LTBP2: variants seen among roughly 807,000 people sequenced by gnomAD.
The protein encoded by LTBP2 is latent-transforming growth factor beta-binding protein 2.
LTBP2 carries 103 observed loss-of-function variants against 210.6 expected under a neutral mutation model. The observed-to-expected ratio is 0.49, with a 90% CI of 0.42 to 0.58. The LOEUF (loss-of-function observed/expected upper bound fraction) is 0.58, where lower values mean the gene tolerates loss of function less well. Ranked by LOEUF, LTBP2 falls within the 20% of genes least tolerant of loss-of-function variation. The pLI is 0.00. For synonymous variants in LTBP2, 1,007 were observed against 1,015.0 expected (o/e 0.99, Z 0.15); for missense variants, 2,313 against 2,494.5 (o/e 0.93, Z 1.55).
intron 2 of LTBP2, among the ~76,000 whole-genome samples, chr14:74,598,125 AG>A (rs1435175449): frequency 6.6e-6 from 1 of 152,226 alleles, no homozygotes; most frequent in Non-Finnish European, 1.5e-5. Flanking sequence ...TGATGGAGCA[AG>A]GGTTTGAACT....
intron 8 of LTBP2, among the ~76,000 whole-genome samples, chr14:74,540,901 T>A (rs1452163266): frequency 5.0e-5 from 5 of 100,192 alleles, no homozygotes; most frequent in African/African-American, 8.1e-5. Context: ...ATATTAAAAA[T>A]ATATATATTT....
chr14:74,581,727 A>G (rs1252140180), intron 3 of LTBP2, among the ~76,000 whole-genome samples: 1 of 152,182 alleles, frequency 6.6e-6, no homozygotes. Flanking sequence ...CCCGTTTCAG[A>G]TGTGTGACCT....
At chr14:74,568,668 G>GTAT (rs2087934887) in intron 3 of LTBP2, among the ~76,000 whole-genome samples, 1 of 152,062 alleles carries the variant, frequency 6.6e-6, no homozygotes, top group Non-Finnish European at 1.5e-5. Flanking sequence ...TAGGAAGTAG[G>GTAT]TATTATTATT....
In LTBP2 at chr14:74,528,951, A is replaced by G. The variant is rs373571347; in HGVS notation, c.2152+7T>C. The G allele has an allele frequency of 3.7e-6, 6 of 1,610,752 alleles. No homozygotes were observed. Among genetic ancestry groups the G allele is most frequent in the Non-Finnish European group, 5.1e-6 (6 of 1,179,192 alleles). Reference sequence around the variant, plus strand: ...CAGTGAAAGCTGGGATGGGAACAGGAGGTTACCTGTGCCAGGCAGAGGGCA... The same window carrying G: ...CAGTGAAAGCTGGGATGGGAACAGGGGGTTACCTGTGCCAGGCAGAGGGCA... On this transcript the variant is annotated splice_region_variant and intron_variant, in intron 11 of 35. Transcript: ENST00000261978.
chr14:74,599,642 A>G (rs1204323728), intron 2 of LTBP2, among the ~76,000 whole-genome samples: 1 of 152,240 alleles, frequency 6.6e-6, no homozygotes, highest in Non-Finnish European at 1.5e-5. Flanking sequence ...GGAGGAGGAG[A>G]TGGCGGCCCA....
At chr14:74,519,444 T>C (rs747184845) in intron 17 of LTBP2, among the ~76,000 whole-genome samples, 8 of 151,922 alleles carry the variant, frequency 5.3e-5, no homozygotes, top group South Asian at 2.1e-4. Flanking sequence ...CTTACATTTA[T>C]TGGTAAACAT....
In LTBP2 at chr14:74,550,934, G is replaced by T. The variant is rs574286601; in HGVS notation, c.1686+130C>A. On this transcript the variant is annotated intron_variant, in intron 7 of 35. Coordinates refer to ENST00000261978, the MANE Select transcript of LTBP2 (RefSeq NM_000428.3). ...TTTCATGCCTTGGGTTTTCCCATCT[G>T]GGAAATGGGAGAGTCTGCAGACACT... 3.3e-6 allele frequency: 4 copies of T among 1,213,890 alleles called. No homozygotes were observed. The African/African-American group carries it at 4.5e-5, about 14-fold the overall frequency. The allele number at this position is 1,213,890 out of a possible 1,614,324, so 75.2% of individuals were successfully genotyped here.
rs115445516 is a variant in LTBP2 at position 74,600,863 on chromosome 14, G to A, written c.565+2772C>T. Among the ~76,000 whole-genome samples the A allele has an allele frequency of 6.0e-3, 912 of 152,288 alleles. 9 individuals carry two copies. The highest frequency in any genetic ancestry group is 0.021 in the African/African-American group (869 of 41,548). On this transcript the variant is annotated intron_variant, in intron 2 of 35. Transcript: ENST00000261978. ...TGGTCCCTGGGCCAGCAGCGTCAGCGTTCCTGGGAGCTGGTTAGAACATAG... is the reference window on the plus strand; with the variant it reads ...TGGTCCCTGGGCCAGCAGCGTCAGCATTCCTGGGAGCTGGTTAGAACATAG...
intron 13 of LTBP2, 67 bp downstream of exon 13, chr14:74,527,280 C>G: frequency 6.3e-7 from 1 of 1,575,222 alleles, no homozygotes; most frequent in East Asian, 2.3e-5. Flanking sequence ...GCCCTGGGGC[C>G]TGAGCTGCTA....
At position 74,586,198 on chromosome 14, in the gene LTBP2, G is replaced by A; in HGVS notation, c.566-80C>T. ...GCTGCCCACACCTTCCTGTCAGAAG[G>A]GCCCTCCTGAGTGCTGCAACCCTGT... On this transcript the variant is annotated intron_variant, in intron 2 of 35. Transcript: ENST00000261978. The surrounding 1 kb of genome is among the most constrained non-coding windows in gnomAD (Gnocchi z 4.6). The A allele has an allele frequency of 6.1e-6, 9 of 1,484,746 alleles. No individual in the cohort carries two copies. The highest frequency in any genetic ancestry group is 8.2e-6 in the Non-Finnish European group (9 of 1,099,320). 92.0% of individuals were successfully genotyped at this position (1,484,746 alleles called of 1,614,324 possible). A position where few individuals can be genotyped will look rare whatever the true frequency, so the allele number is the denominator to read the frequency against.
intron 18 of LTBP2, 80 bp downstream of exon 18, chr14:74,516,742 G>A (rs777851758): frequency 7.4e-5 from 113 of 1,521,418 alleles, no homozygotes; most frequent in Non-Finnish European, 9.2e-5. Flanking sequence ...GCCAGAAGGC[G>A]TGTTGGTGGT....
chr14:74,574,925 C>T (rs2088036311), intron 3 of LTBP2, among the ~76,000 whole-genome samples: 2 of 152,188 alleles, frequency 1.3e-5, no homozygotes, highest in Non-Finnish European at 2.9e-5. Flanking sequence ...GCCCAGTGCC[C>T]CATGTGGGGA....
At chr14:74,515,018 G>A (rs2087117629) in intron 18 of LTBP2, among the ~76,000 whole-genome samples, 1 of 152,158 alleles carries the variant, frequency 6.6e-6, no homozygotes. Flanking sequence ...GTATGGGGGA[G>A]CCTGGACATG....
intron 17 of LTBP2, among the ~76,000 whole-genome samples, chr14:74,519,976 C>T (rs528184635): frequency 2.6e-5 from 4 of 152,296 alleles, no homozygotes; most frequent in African/African-American, 4.8e-5. Flanking sequence ...GTCAGCTCCC[C>T]GGAAGTCAGC....
chr14:74,593,346 G>A (rs979801566), intron 2 of LTBP2, among the ~76,000 whole-genome samples: 5 of 152,326 alleles, frequency 3.3e-5, no homozygotes, highest in Middle Eastern at 3.4e-3. Context: ...ACACGGGGTC[G>A]GGGGCAGGAG....
At chr14:74,603,462 T>C (rs2088477714) in intron 2 of LTBP2, among the ~76,000 whole-genome samples, 173 bp downstream of exon 2, 1 of 152,212 alleles carries the variant, frequency 6.6e-6, no homozygotes, top group Non-Finnish European at 1.5e-5. Context: ...TTCCCTTCCA[T>C]TGGATGTTGC....
At position 74,526,197 on chromosome 14, in the gene LTBP2, T is replaced by C; in HGVS notation, c.2389-83A>G. On this transcript the variant is annotated intron_variant, in intron 13 of 35. Coordinates refer to ENST00000261978, the MANE Select transcript of LTBP2 (RefSeq NM_000428.3). ...ACCTTCCACCACACTGACCCCCACC[T>C]CCGGGCTTCCTACCAGGAGCTCATT... 3.0e-6 allele frequency: 4 copies of C among 1,355,462 alleles called. No homozygotes were observed. In the Admixed American group the frequency reaches 7.8e-5, roughly 27 times the overall value. The allele number at this position is 1,355,462 out of a possible 1,614,324, so 84.0% of individuals were successfully genotyped here.
intron 9 of LTBP2, 89 bp from the exon 10 acceptor site, chr14:74,532,637 C>T (rs2139723670): frequency 6.9e-7 from 1 of 1,457,884 alleles, no homozygotes; most frequent in East Asian, 2.4e-5. Flanking sequence ...AATACTCTCT[C>T]CAGATAAAAC....
Position 74,498,843 on chromosome 14 carries a change from C to CTTAA in LTBP2, c.*2037_*2040dup. 1 of 228,954 alleles carries CTTAA rather than the reference C, an allele frequency of 4.4e-6. No individual in the cohort carries two copies. Among genetic ancestry groups the CTTAA allele is most frequent in the Non-Finnish European group, 8.7e-6 (1 of 115,390 alleles). 14.2% of individuals were successfully genotyped at this position (228,954 alleles called of 1,614,324 possible). ...CTGTTATGCAACCCTCCCTTTTCCC[C>CTTAA]TTAATTTGTTTTGGATATCTTTCTT... On this transcript the variant is annotated 3_prime_UTR_variant, in exon 36 of 36. Coordinates refer to ENST00000261978, the MANE Select transcript of LTBP2 (RefSeq NM_000428.3).
Sources: gnomAD v4.1 joint callset for allele counts (sites outside exome capture counted in the v4.1 genomes callset) on GRCh38, gnomAD v4.1.1 for gene constraint, Gnocchi (gnomAD v3.1) non-coding constraint, MANE v1.5 for transcripts, NCBI Gene and HGNC (gene_info 2026-07-23, HGNC 2026-07-21) for gene names.